CSMD1: variants seen among roughly 807,000 people sequenced by gnomAD.
CSMD1 encodes CUB and sushi domain-containing protein 1.
Under a neutral mutation model 417.5 loss-of-function variants are expected in CSMD1, and 213 were observed. That is an observed-to-expected ratio of 0.51 (90% CI 0.46 to 0.57). CSMD1 has a LOEUF of 0.57. CSMD1 is among the 20% of genes least tolerant of loss of function. CSMD1 has a pLI of 0.00. For missense variants in CSMD1, 6,923 were observed against 4,529.7 expected (o/e 1.53, Z -15.17); for synonymous variants, 2,862 against 1,736.8 (o/e 1.65, Z -16.11).
chr8:3,248,815 G>A (rs1241973038), intron 26 of CSMD1, among the ~76,000 whole-genome samples: 1 of 152,098 alleles, frequency 6.6e-6, no homozygotes, highest in South Asian at 2.1e-4. Context: ...TTGTTCACTT[G>A]GCTAAATTCT....
intron 5 of CSMD1, among the ~76,000 whole-genome samples, chr8:3,936,159 C>A (rs1290430998): frequency 6.9e-6 from 1 of 145,762 alleles, no homozygotes; most frequent in Non-Finnish European, 1.5e-5. Context: ...TTTGAAGATA[C>A]CAGATGTCAG....
chr8:2,938,493 AG>A lies in CSMD1; in HGVS notation c.*91del, dbSNP rs1801647496. The A allele has an allele frequency of 4.0e-6, 5 of 1,241,808 alleles. No homozygotes were observed. The South Asian group carries it at 7.7e-5, about 19-fold the overall frequency. 76.9% of individuals were successfully genotyped at this position (1,241,808 alleles called of 1,614,324 possible). On this transcript the variant is annotated 3_prime_UTR_variant, in exon 70 of 70. Transcript: ENST00000635120. ...TTGAAGATCGCTGCAGTAAAGCCAGAGTGGAAGGGAGAGTGGTATATGGCAC... is the reference window on the plus strand; with the variant it reads ...TTGAAGATCGCTGCAGTAAAGCCAGATGGAAGGGAGAGTGGTATATGGCAC...
intron 5 of CSMD1, among the ~76,000 whole-genome samples, chr8:3,762,703 G>C (rs546410509): frequency 6.6e-6 from 1 of 152,198 alleles, no homozygotes; most frequent in Non-Finnish European, 1.5e-5. Context: ...AGCCAAAGCT[G>C]TCCGTCTGCA....
chr8:3,594,230 C>A (rs978355768), intron 8 of CSMD1, among the ~76,000 whole-genome samples: 2 of 152,102 alleles, frequency 1.3e-5, no homozygotes, highest in Non-Finnish European at 2.9e-5. Context: ...AGCCCTGGAC[C>A]GTATTAATGA....
intron 1 of CSMD1, among the ~76,000 whole-genome samples, chr8:4,689,109 C>G (rs918913957): frequency 1.3e-5 from 2 of 152,092 alleles, no homozygotes; most frequent in African/African-American, 4.8e-5. Flanking sequence ...TGTTCTCAAC[C>G]CAACAGGTAA....
chr8:3,161,194 G>C (rs763030314), intron 38 of CSMD1, among the ~76,000 whole-genome samples: 2 of 152,120 alleles, frequency 1.3e-5, no homozygotes, highest in Non-Finnish European at 2.9e-5. Context: ...ATTATGCTAA[G>C]TGATAGACAC....
At chr8:4,873,585 C>T (rs73183479) in intron 1 of CSMD1, among the ~76,000 whole-genome samples, 4,624 of 152,170 alleles carry the variant, frequency 0.03, 105 homozygotes, top group Non-Finnish European at 0.049. Flanking sequence ...AGAAACAATT[C>T]AACTTTTTTC....
chr8:3,696,099 T>C (rs957767757), intron 7 of CSMD1, among the ~76,000 whole-genome samples: 2 of 152,178 alleles, frequency 1.3e-5, no homozygotes, highest in African/African-American at 4.8e-5. Flanking sequence ...ATTTCCTACA[T>C]ATCAGTTACC....
intron 10 of CSMD1, among the ~76,000 whole-genome samples, chr8:3,512,020 G>A (rs1266125506): frequency 6.6e-6 from 1 of 151,870 alleles, no homozygotes; most frequent in Admixed American, 6.5e-5. Context: ...TCCAGGCCCC[G>A]CTCCCTGGGC....
intron 5 of CSMD1, among the ~76,000 whole-genome samples, chr8:3,755,171 T>G (rs576323734): frequency 1.3e-5 from 2 of 152,310 alleles, no homozygotes; most frequent in African/African-American, 2.4e-5. Context: ...ACACATTTAG[T>G]TTTTCAGTGG....
chr8:3,278,230 T>C (rs985365244), intron 26 of CSMD1: 1 of 152,208 alleles, frequency 6.6e-6, no homozygotes, highest in Non-Finnish European at 1.5e-5. Flanking sequence ...AAAGCTCCAA[T>C]GTAACATGGA....
chr8:4,733,631 G>C (rs1810040939), intron 1 of CSMD1, among the ~76,000 whole-genome samples: 1 of 152,126 alleles, frequency 6.6e-6, no homozygotes, highest in South Asian at 2.1e-4. Context: ...TTATCCAATA[G>C]TCTACACTGC....
At chr8:3,695,116 G>GTGTGT (rs61279256) in intron 7 of CSMD1, among the ~76,000 whole-genome samples, 3 of 150,762 alleles carry the variant, frequency 2.0e-5, no homozygotes, top group Non-Finnish European at 1.5e-5. Context: ...GTGTGTGTGT[G>GTGTGT]GTTATTGAAG....
intron 3 of CSMD1, among the ~76,000 whole-genome samples, chr8:4,380,915 T>C (rs776092972): frequency 6.6e-6 from 1 of 152,212 alleles, no homozygotes. Context: ...GTTTTATACA[T>C]TTTGAGATAT....
intron 10 of CSMD1, among the ~76,000 whole-genome samples, chr8:3,547,998 A>T (rs10092036): frequency 0.053 from 8,002 of 152,278 alleles, 613 homozygotes; most frequent in African/African-American, 0.17. Context: ...AAAATAACTA[A>T]AAGAAAGGAA....
intron 37 of CSMD1, among the ~76,000 whole-genome samples, chr8:3,176,781 T>TC (rs1820962857): frequency 1.7e-5 from 2 of 116,810 alleles, no homozygotes; most frequent in East Asian, 5.8e-4. Flanking sequence ...TCTTTTTCTT[T>TC]CTTTTTTTTT....
chr8:3,146,128 A>G (rs1385691896), intron 40 of CSMD1, among the ~76,000 whole-genome samples: 1 of 152,220 alleles, frequency 6.6e-6, no homozygotes, highest in African/African-American at 2.4e-5. Context: ...AGAAAGTCTG[A>G]TGGCATGGTA....
intron 7 of CSMD1, among the ~76,000 whole-genome samples, chr8:3,680,801 C>A (rs1052642178): frequency 6.6e-6 from 1 of 152,140 alleles, no homozygotes; most frequent in Non-Finnish European, 1.5e-5. Context: ...AAAATACTGG[C>A]AAACCGAACT....
At chr8:4,961,719 T>C (rs1563877844) in intron 1 of CSMD1, among the ~76,000 whole-genome samples, 1 of 152,166 alleles carries the variant, frequency 6.6e-6, no homozygotes, top group African/African-American at 2.4e-5. Context: ...TAATTTTATT[T>C]GGCTGATATT....
Sources: allele counts gnomAD v4.1 joint callset (sites outside exome capture counted in the v4.1 genomes callset), GRCh38; gene constraint gnomAD v4.1.1; transcripts MANE v1.5; gene names NCBI Gene and HGNC (gene_info 2026-07-23, HGNC 2026-07-21).